The following MSR1 variants were observed in gnomAD, a reference collection of about 807,000 sequenced individuals.
MSR1 encodes macrophage scavenger receptor 1.
Under a neutral mutation model 47.2 loss-of-function variants are expected in MSR1, and 53 were observed. That is an observed-to-expected ratio of 1.12 (90% CI 0.90 to 1.41). MSR1 has a LOEUF of 1.41. Ranked by LOEUF, MSR1 falls within the 40% of genes most tolerant of loss-of-function variation. The pLI is 0.00. For synonymous variants in MSR1, 239 were observed against 185.6 expected, an observed-to-expected ratio of 1.29 and a Z score of -2.34; for missense variants, 786 against 546.9, an observed-to-expected ratio of 1.44 and a Z score of -4.36.
At chr8:16,139,854 A>C in intron 8 of MSR1, 1 of 376,550 alleles carries the variant, frequency 2.7e-6, no homozygotes, top group Non-Finnish European at 3.5e-6. Context: ...GAAGATGAGA[A>C]GGTAAAATAA....
At chr8:16,117,817 G>C (rs183506359) in intron 9 of MSR1, among the ~76,000 whole-genome samples, 280 of 152,160 alleles carry the variant, frequency 1.8e-3, no homozygotes, top group African/African-American at 6.0e-3. Flanking sequence ...AGCTCCCACT[G>C]ATTCCACATA....
chr8:16,134,272 A>G (rs1229522156), intron 8 of MSR1, among the ~76,000 whole-genome samples: 1 of 152,154 alleles, frequency 6.6e-6, no homozygotes, highest in Non-Finnish European at 1.5e-5. Context: ...TAGTGCATCA[A>G]ATTAGATTCT....
intron 1 of MSR1, among the ~76,000 whole-genome samples, chr8:16,191,811 C>A (rs148084646): frequency 1.6e-4 from 25 of 152,252 alleles, no homozygotes; most frequent in Non-Finnish European, 3.2e-4. Context: ...GCCAACCTCC[C>A]ATTATATGCT....
chr8:16,121,037 CGAGGAGCA>C (rs1255991697), intron 8 of MSR1: 2 of 331,842 alleles, frequency 6.0e-6, no homozygotes, highest in Non-Finnish European at 1.2e-5. Flanking sequence ...TATAGGAGGG[CGAGGAGCA>C]GATATTTTAG....
chr8:16,116,387 A>G (rs1429593501), intron 9 of MSR1, among the ~76,000 whole-genome samples: 3 of 152,166 alleles, frequency 2.0e-5, no homozygotes, highest in Admixed American at 6.5e-5. Context: ...AAAAATGTAA[A>G]AGGAAACCAA....
intron 5 of MSR1, among the ~76,000 whole-genome samples, chr8:16,155,418 T>C (rs1376658587): frequency 1.3e-5 from 2 of 151,970 alleles, no homozygotes; most frequent in Non-Finnish European, 2.9e-5. Context: ...TCTGAGAACC[T>C]GGGGGCAGAG....
rs758823340 is a variant in MSR1, at chr8:16,177,965, G to T, written c.24C>A (p.His8Gln). 2.2e-5 allele frequency: 36 copies of T among 1,613,710 alleles called. No homozygotes were observed. Among genetic ancestry groups the T allele is most frequent in the Admixed American group, 3.3e-5 (2 of 59,976 alleles). Residue 8 changes from histidine (H) to glutamine (Q), a missense_variant, in exon 2 of 10, where the codon CAC becomes CAA. Coordinates refer to ENST00000262101, the MANE Select transcript of MSR1 (RefSeq NM_138715.3). MEQWDHF[H>Q]NQQEDTDSCS... is the part of the protein sequence containing the mutation. The stretch of plus-strand genomic sequence containing the variant: ...AGCTATCAGTGTCCTCCTGTTGATT[G>T]TGAAAGTGATCCCACTGCTCCATAC...
At chr8:16,171,578 T>C (rs1399650722) in intron 3 of MSR1, among the ~76,000 whole-genome samples, 1 of 152,202 alleles carries the variant, frequency 6.6e-6, no homozygotes, top group Non-Finnish European at 1.5e-5. Context: ...CATGCATTCA[T>C]TAATTCTATG....
At chr8:16,183,853 A>AAT (rs1801914990) in intron 1 of MSR1, among the ~76,000 whole-genome samples, 1 of 143,946 alleles carries the variant, frequency 6.9e-6, no homozygotes, top group Non-Finnish European at 1.5e-5. Context: ...TAGAATTGGC[A>AAT]ATATATAATA....
At chr8:16,122,843 CTTTTTTTTT>C (rs35560221) in intron 8 of MSR1, among the ~76,000 whole-genome samples, 1 of 65,598 alleles carries the variant, frequency 1.5e-5, no homozygotes. Flanking sequence ...TATTCAAATT[CTTTTTTTTT>C]TTTTTTTTTT....
In MSR1 at chr8:16,177,989, A is replaced by G. The variant is rs1801705297; in HGVS notation, c.-1T>C. The G allele has an allele frequency of 1.9e-6, 3 of 1,611,972 alleles. No individual in the cohort carries two copies. Among genetic ancestry groups the G allele is most frequent in the Admixed American group, 1.7e-5 (1 of 59,964 alleles). On this transcript the variant is annotated 5_prime_UTR_variant, in exon 2 of 10. Coordinates refer to ENST00000262101, the MANE Select transcript of MSR1 (RefSeq NM_138715.3). ...TGTGAAAGTGATCCCACTGCTCCAT[A>G]CTTCTATGAAACAAAATGGAAAAAT...
intron 7 of MSR1, among the ~76,000 whole-genome samples, chr8:16,144,334 C>T (rs1800641281): frequency 6.6e-6 from 1 of 152,008 alleles, no homozygotes; most frequent in African/African-American, 2.4e-5. Flanking sequence ...AAGATTGGTG[C>T]TGTTCCTGCT....
chr8:16,164,294 T>A (rs748183699), intron 4 of MSR1, 43 bp from the exon 5 acceptor site: 3 of 1,540,386 alleles, frequency 1.9e-6, no homozygotes, highest in East Asian at 4.5e-5. Flanking sequence ...GTTACATACA[T>A]AATTATCAAA....
Position 16,168,882 on chromosome 8 carries a change from A to G in MSR1, c.218-12T>C. 1 of 1,610,224 alleles carries G rather than the reference A, an allele frequency of 6.2e-7. No individual in the cohort carries two copies. The highest frequency in any genetic ancestry group is 8.5e-7 in the Non-Finnish European group (1 of 1,179,804). On this transcript the variant is annotated splice_polypyrimidine_tract_variant and intron_variant, in intron 3 of 9. Coordinates refer to ENST00000262101, the MANE Select transcript of MSR1 (RefSeq NM_138715.3). ...CTTCAGGAGTTGAGCTGTATATTTA[A>G]GTAAAAATAAACCAGTCATGGCCTG...
At chr8:16,133,807 T>G (rs2117090189) in intron 8 of MSR1, among the ~76,000 whole-genome samples, 1 of 152,304 alleles carries the variant, frequency 6.6e-6, no homozygotes, top group Non-Finnish European at 1.5e-5. Flanking sequence ...AGATTTCCAC[T>G]GAAAGCTCTG....
chr8:16,137,285 T>C (rs11785916), intron 8 of MSR1, among the ~76,000 whole-genome samples: 1 of 152,088 alleles, frequency 6.6e-6, no homozygotes, highest in Admixed American at 6.6e-5. Context: ...GTTATGAAGG[T>C]GGAAACACAA....
chr8:16,140,622 G>T lies in MSR1; in HGVS notation c.1033+2936C>A, dbSNP rs1800530123. On this transcript the variant is annotated intron_variant, in intron 8 of 9. Coordinates refer to ENST00000262101, the MANE Select transcript of MSR1 (RefSeq NM_138715.3). ...ACATCACTCTTCCAAGTTAGGGTGA[G>T]AACACAGCAGTTCTCCTAGAACCCA... 5.3e-6 allele frequency: 6 copies of T among 1,126,408 alleles called. No individual in the cohort carries two copies. In the South Asian group the frequency reaches 1.9e-4, roughly 35 times the overall value. 69.8% of individuals were successfully genotyped at this position (1,126,408 alleles called of 1,614,324 possible).
chr8:16,185,659 A>G (rs989777709), intron 1 of MSR1, among the ~76,000 whole-genome samples: 2 of 151,956 alleles, frequency 1.3e-5, no homozygotes, highest in East Asian at 1.9e-4. Flanking sequence ...TTCTATTCCA[A>G]TTTTTGGACT....
At chr8:16,131,441 G>GTTTTTTTT (rs56321577) in intron 8 of MSR1, among the ~76,000 whole-genome samples, 8 of 54,678 alleles carry the variant, frequency 1.5e-4, no homozygotes, top group African/African-American at 2.4e-4. Flanking sequence ...TCTGTTGATA[G>GTTTTTTTT]TTTTTTTTTT....
Sources: gnomAD v4.1 joint callset for allele counts (sites outside exome capture counted in the v4.1 genomes callset) on GRCh38, gnomAD v4.1.1 for gene constraint, MANE v1.5 for transcripts, NCBI Gene and HGNC (gene_info 2026-07-23, HGNC 2026-07-21) for gene names.